Variants in PEX10 observed in about 807,000 individuals in gnomAD.
PEX10 encodes the protein peroxisome biogenesis factor 10.
PEX10 carries 32 observed loss-of-function variants against 38.0 expected under a neutral mutation model. The ratio of observed to expected loss-of-function variants is 0.84; its 90% CI spans 0.63 to 1.13. The LOEUF (loss-of-function observed/expected upper bound fraction) is 1.13. Ranked by LOEUF, PEX10 falls within the 50% of genes most tolerant of loss-of-function variation. The pLI, the probability that PEX10 is intolerant of heterozygous loss-of-function variation, is 0.00. For missense variants in PEX10, 483 were observed against 457.7 expected (o/e 1.06, Z -0.51); for synonymous variants, 206 against 207.3 (o/e 0.99, Z 0.05).
Position 2,408,904 on chromosome 1 carries a change from G to A in PEX10, c.194-46C>T, listed in dbSNP as rs773433357. 7 of 1,589,174 alleles carry A rather than the reference G, an allele frequency of 4.4e-6. No individual in the cohort carries two copies. The South Asian group carries it at 5.5e-5, about 13-fold the overall frequency. On this transcript the variant is annotated intron_variant, in intron 2 of 5. Transcript: ENST00000447513. ...ATGTGGACCCTGAGACTGCTGCCGC[G>A]GGGACAGGCTCCCGGCGCCCCTGCC...
intron 5 of PEX10, 38 bp downstream of exon 5, chr1:2,406,446 G>A (rs764858963): frequency 8.1e-6 from 13 of 1,606,016 alleles, no homozygotes; most frequent in East Asian, 2.2e-5. Flanking sequence ...CGGCACAGCC[G>A]CTGACCACCC....
intron 1 of PEX10, among the ~76,000 whole-genome samples, chr1:2,411,888 G>A (rs1313412761): frequency 6.6e-6 from 1 of 152,210 alleles, no homozygotes; most frequent in Non-Finnish European, 1.5e-5. Flanking sequence ...GCCTGGCTGA[G>A]CCTACACTGG....
At position 2,409,026 on chromosome 1, in the gene PEX10, G is replaced by A. The variant is rs909330988; in HGVS notation, c.194-168C>T. ...GCTGAGGCCAACATGACCTTCTGTC[G>A]CTAAGCCCACTGTGAGCTCAGGCAG... On this transcript the variant is annotated intron_variant, in intron 2 of 5. Coordinates refer to ENST00000447513, the MANE Select transcript of PEX10 (RefSeq NM_002617.4). This position sits in a 1 kb window ranked among gnomAD's most constrained non-coding sequence, Gnocchi z 6.2. Among the ~76,000 whole-genome samples, 1 of 152,106 alleles carries A rather than the reference G, an allele frequency of 6.6e-6. No homozygotes were observed. The highest frequency in any genetic ancestry group is 2.1e-4 in the South Asian group (1 of 4,830).
rs1425257705 is a variant in PEX10 at position 2,408,662 on chromosome 1, G to C, written c.390C>G (p.Ser130Arg). The C allele has an allele frequency of 7.4e-6, 12 of 1,611,328 alleles. No individual in the cohort carries two copies. The highest frequency in any genetic ancestry group is 8.5e-6 in the Non-Finnish European group (10 of 1,179,126). ...AGCAGCCACGCCCACCTGGCCCCAG[G>C]CTCCCCTGCAAGGGTCGCCCACTGT... ...DPDSGRPLQG[S>R]LGPGGRGCSG... The change falls in exon 3 of 6, where the codon AGC (serine) becomes AGG (arginine). Residue 130 changes from serine (S) to arginine (R), a missense_variant. Coordinates refer to ENST00000447513, the MANE Select transcript of PEX10 (RefSeq NM_002617.4).
rs1384105002 is a variant in PEX10, at chr1:2,409,072, T to A, written c.194-214A>T. 1.3e-5 allele frequency among the ~76,000 whole-genome samples: 2 copies of A among 152,016 alleles called. No individual in the cohort carries two copies. Among genetic ancestry groups the A allele is most frequent in the Non-Finnish European group, 2.9e-5 (2 of 68,006 alleles). On this transcript the variant is annotated intron_variant, in intron 2 of 5. Transcript: ENST00000447513. This position sits in a 1 kb window ranked among gnomAD's most constrained non-coding sequence, Gnocchi z 6.2. The stretch of plus-strand genomic sequence containing the variant: ...GGCAGCACATGACAGGCCCGGCCAA[T>A]GGCTGCCCTTGGCTCCCAGGGCCTT...
rs1643071595 is a variant in PEX10 at position 2,408,194 on chromosome 1, G to A, written c.600+258C>T. Among the ~76,000 whole-genome samples, 3 of 152,178 alleles carry A rather than the reference G, an allele frequency of 2.0e-5. No homozygotes were observed. The South Asian group carries it at 6.2e-4, about 32-fold the overall frequency. On this transcript the variant is annotated intron_variant, in intron 3 of 5. Transcript: ENST00000447513. ...CAGTAAAGAGCTAAGCGCAGGGCCCGGTGTCCATGAGGGGCTGCAGCAGGA... is the reference window on the plus strand; with the variant it reads ...CAGTAAAGAGCTAAGCGCAGGGCCCAGTGTCCATGAGGGGCTGCAGCAGGA...
chr1:2,410,951 T>C lies in PEX10; in HGVS notation c.113-500A>G, dbSNP rs1643177048. 2 of 445,374 alleles carry C rather than the reference T, an allele frequency of 4.5e-6. No individual in the cohort carries two copies. Among genetic ancestry groups the C allele is most frequent in the Non-Finnish European group, 9.1e-6 (2 of 219,532 alleles). 27.6% of individuals were successfully genotyped at this position (445,374 alleles called of 1,614,324 possible). Reference sequence around the variant, plus strand: ...GCACAGGGGTAAGTGCCAAGTGTACTGTAAAACAAGTAAGTACACACACAA... The same window carrying C: ...GCACAGGGGTAAGTGCCAAGTGTACCGTAAAACAAGTAAGTACACACACAA... On this transcript the variant is annotated intron_variant, in intron 1 of 5. Coordinates refer to ENST00000447513, the MANE Select transcript of PEX10 (RefSeq NM_002617.4). The surrounding 1 kb of genome is among the most constrained non-coding windows in gnomAD (Gnocchi z 5.1).
At chr1:2,406,079 C>T (rs1642992378) in intron 5 of PEX10, among the ~76,000 whole-genome samples, 1 of 152,084 alleles carries the variant, frequency 6.6e-6, no homozygotes, top group Non-Finnish European at 1.5e-5. Context: ...CCTCCTGCTC[C>T]CGCAGCTGAC....
At chr1:2,406,995 G>A in intron 3 of PEX10, 100 bp from the exon 4 acceptor site, 1 of 1,493,356 alleles carries the variant, frequency 6.7e-7, no homozygotes, top group Admixed American at 2.0e-5. Flanking sequence ...GAGCACGTTA[G>A]AACCAGGCCT....
Position 2,412,516 on chromosome 1 carries a change from G to A in PEX10, c.-14C>T. The A allele has an allele frequency of 7.4e-7, 1 of 1,344,298 alleles. No individual in the cohort carries two copies. Among genetic ancestry groups the A allele is most frequent in the Non-Finnish European group, 9.5e-7 (1 of 1,052,068 alleles). 83.3% of individuals were successfully genotyped at this position (1,344,298 alleles called of 1,614,324 possible). A position where few individuals can be genotyped will look rare whatever the true frequency, so the allele number is the denominator to read the frequency against. On this transcript the variant is annotated 5_prime_UTR_variant, in exon 1 of 6. Coordinates refer to ENST00000447513, the MANE Select transcript of PEX10 (RefSeq NM_002617.4). ...GGCCGGGGCCATGGCCGCGGGTTCG[G>A]GTGGTCCCGAGCAGCCACGCCGGCC...
chr1:2,413,809 A>C (rs1005389508), upstream of PEX10: 1 of 152,306 alleles, frequency 6.6e-6, no homozygotes, highest in Admixed American at 6.5e-5. Context: ...TCATCCCCAG[A>C]CTGGCACAGC....
chr1:2,411,059 C>T (rs1378222068), intron 1 of PEX10, among the ~76,000 whole-genome samples: 1 of 152,114 alleles, frequency 6.6e-6, no homozygotes, highest in Non-Finnish European at 1.5e-5. Flanking sequence ...GGCACGGAGC[C>T]TGGCTGTCCT....
At position 2,409,276 on chromosome 1, in the gene PEX10, G is replaced by A. The variant is rs1163452693; in HGVS notation, c.194-418C>T. 6.6e-6 allele frequency among the ~76,000 whole-genome samples: 1 copy of A among 152,102 alleles called. No homozygotes were observed. The highest frequency in any genetic ancestry group is 6.5e-5 in the Admixed American group (1 of 15,274). On this transcript the variant is annotated intron_variant, in intron 2 of 5. Transcript: ENST00000447513. The surrounding 1 kb of genome is among the most constrained non-coding windows in gnomAD (Gnocchi z 6.2). ...TATGCCCAGCCTGGACCTTACTTGT[G>A]AGTGCCAGCCATGCAGGTCCGCCAC...
Position 2,410,254 on chromosome 1 carries a change from A to G in PEX10, c.193+117T>C. ...GTACCTCCTGCACTTCCCTGAAGCA[A>G]CCTCACCCGGGCCAGCTCCAGGAGC... On this transcript the variant is annotated intron_variant, in intron 2 of 5. Transcript: ENST00000447513. This position sits in a 1 kb window ranked among gnomAD's most constrained non-coding sequence, Gnocchi z 5.1. The G allele has an allele frequency of 1.1e-6, 1 of 886,984 alleles. No homozygotes were observed. The highest frequency in any genetic ancestry group is 1.9e-6 in the Non-Finnish European group (1 of 538,532). The allele number at this position is 886,984 out of a possible 1,614,324, so 54.9% of individuals were successfully genotyped here. A position where few individuals can be genotyped will look rare whatever the true frequency, so the allele number is the denominator to read the frequency against.
rs1054061083 is a variant in PEX10 at position 2,404,416 on chromosome 1, A to G, written c.*1350T>C. 1 of 152,254 alleles carries G rather than the reference A, an allele frequency of 6.6e-6. No homozygotes were observed. The highest frequency in any genetic ancestry group is 2.1e-4 in the South Asian group (1 of 4,836). The allele number at this position is 152,254 out of a possible 1,614,324, so 9.4% of individuals were successfully genotyped here. On this transcript the variant is annotated 3_prime_UTR_variant, in exon 6 of 6. Transcript: ENST00000447513. ...TCATTTTTCATACTGTTTTCTTAATAAGCGCTCAGGCCTAAGGTGTGACAG... is the reference window on the plus strand; with the variant it reads ...TCATTTTTCATACTGTTTTCTTAATGAGCGCTCAGGCCTAAGGTGTGACAG...
upstream of PEX10, chr1:2,412,618 G>A (rs1389886335): frequency 1.4e-5 from 12 of 839,934 alleles, no homozygotes; most frequent in Non-Finnish European, 1.9e-5. Flanking sequence ...CTGCGTCAAG[G>A]TGCTGGGGCG....
upstream of PEX10, chr1:2,412,679 T>G (rs1440217346): frequency 3.2e-5 from 13 of 410,886 alleles, no homozygotes; most frequent in Admixed American, 2.3e-4. Flanking sequence ...GAAGCGGGGC[T>G]GGAGTCCGAA....
Position 2,405,455 on chromosome 1 carries a change from A to G in PEX10, c.*311T>C. The stretch of plus-strand genomic sequence containing the variant: ...TGGCCTACTTCTGAATTACTTCTCA[A>G]CTGTATGGTTTGGGGAAGGGAGGGA... On this transcript the variant is annotated 3_prime_UTR_variant, in exon 6 of 6. Transcript: ENST00000447513. 5.8e-6 allele frequency: 3 copies of G among 515,746 alleles called. No homozygotes were observed. In the East Asian group the frequency reaches 1.1e-4, roughly 18 times the overall value. 31.9% of individuals were successfully genotyped at this position (515,746 alleles called of 1,614,324 possible). A position where few individuals can be genotyped will look rare whatever the true frequency, so the allele number is the denominator to read the frequency against.
At position 2,408,981 on chromosome 1, in the gene PEX10, C is replaced by T. The variant is rs569812075; in HGVS notation, c.194-123G>A. The stretch of plus-strand genomic sequence containing the variant: ...ACAGCCCCATCTTGTCGCCCTTGAG[C>T]CCACTGTCACCCCGTGCTGGCTGAG... On this transcript the variant is annotated intron_variant, in intron 2 of 5. Transcript: ENST00000447513. 4.3e-5 allele frequency: 40 copies of T among 921,396 alleles called. No individual in the cohort carries two copies. The South Asian group carries it at 4.8e-4, about 11-fold the overall frequency. 57.1% of individuals were successfully genotyped at this position (921,396 alleles called of 1,614,324 possible).
Sources: gnomAD v4.1 joint callset for allele counts (sites outside exome capture counted in the v4.1 genomes callset) on GRCh38, gnomAD v4.1.1 for gene constraint, Gnocchi (gnomAD v3.1) non-coding constraint, MANE v1.5 for transcripts, NCBI Gene and HGNC (gene_info 2026-07-23, HGNC 2026-07-21) for gene names.